DGKD: variants seen among roughly 807,000 people sequenced by gnomAD.
DGKD encodes the protein DAG kinase delta.
DGKD carries 68 observed loss-of-function variants against 154.4 expected under a neutral mutation model. The ratio of observed to expected loss-of-function variants is 0.44; its 90% CI spans 0.36 to 0.54. The LOEUF is 0.54. Ranked by LOEUF, DGKD falls within the 20% of genes least tolerant of loss-of-function variation. The probability of loss-of-function intolerance (pLI) is 0.00; values close to 1 mark genes in which losing one functional copy is unlikely to be tolerated. For synonymous variants in DGKD, 693 were observed against 638.0 expected (o/e 1.09, Z -1.30); for missense variants, 1,343 against 1,593.6 (o/e 0.84, Z 2.68).
chr2:233,432,407 C>G (rs2062554946), intron 3 of DGKD, among the ~76,000 whole-genome samples: 1 of 141,674 alleles, frequency 7.1e-6, no homozygotes, highest in African/African-American at 2.8e-5. Flanking sequence ...CGCCTGTAAT[C>G]CCAGCACTTT....
chr2:233,409,435 C>G (rs771447777), intron 3 of DGKD, among the ~76,000 whole-genome samples: 4 of 150,892 alleles, frequency 2.7e-5, no homozygotes, highest in Non-Finnish European at 1.5e-5. Flanking sequence ...GCAGTGAATA[C>G]TTTTTAGCCA....
intron 12 of DGKD, chr2:233,447,845 G>A (rs1014109260): frequency 1.5e-6 from 2 of 1,342,450 alleles, no homozygotes; most frequent in Non-Finnish European, 1.9e-6. Context: ...GACTGAAGGA[G>A]ATTCATTTGC....
At chr2:233,455,596 G>A (rs1268574619) in intron 19 of DGKD, among the ~76,000 whole-genome samples, 1 of 152,238 alleles carries the variant, frequency 6.6e-6, no homozygotes, top group Non-Finnish European at 1.5e-5. Context: ...AGAAATGAGT[G>A]TGGGGGTTGA....
rs535242303 is a variant in DGKD, at chr2:233,388,647, ATC to A, written c.267+289_267+290del. On this transcript the variant is annotated intron_variant, in intron 2 of 29. Transcript: ENST00000264057. ...AGAGACAGCCGCGTTACAGCTGGAT[ATC>A]TCTCTCTCAGAAAGGCGGAGGGAAT... The A allele has an allele frequency of 5.3e-5, 14 of 266,334 alleles. No homozygotes were observed. In the East Asian group the frequency reaches 8.9e-4, roughly 17 times the overall value. The allele number at this position is 266,334 out of a possible 1,614,324, so 16.5% of individuals were successfully genotyped here. A position where few individuals can be genotyped will look rare whatever the true frequency, so the allele number is the denominator to read the frequency against.
intron 19 of DGKD, among the ~76,000 whole-genome samples, chr2:233,455,764 T>C (rs1208766934): frequency 1.3e-5 from 2 of 152,250 alleles, no homozygotes; most frequent in Admixed American, 1.3e-4. Flanking sequence ...CGGGGAGCCA[T>C]GCTGACACCT....
intron 3 of DGKD, among the ~76,000 whole-genome samples, chr2:233,420,618 C>G (rs1665118232): frequency 6.6e-6 from 1 of 152,212 alleles, no homozygotes; most frequent in South Asian, 2.1e-4. Context: ...TCAGACTGGA[C>G]AGCCACAGCA....
chr2:233,467,300 C>A, intron 28 of DGKD, 97 bp downstream of exon 28: 3 of 856,190 alleles, frequency 3.5e-6, no homozygotes, highest in Non-Finnish European at 6.0e-6. Context: ...CCTTGCAGCT[C>A]CTCCCTCTTG....
In DGKD at chr2:233,448,307, G is replaced by T; in HGVS notation, c.1546G>T (p.Ala516Ser). Reference protein sequence around the residue: ...VLCETVKDFVARVGKAYEKTT... With the variant: ...VLCETVKDFVSRVGKAYEKTT... ...CTGTGAGACGGTGAAGGACTTCGTG[G>T]CACGGGTGGGGAAGGCCTATGAGAA... The change falls in exon 14 of 30, where the codon GCA becomes TCA. Residue 516 changes from alanine to serine, a missense_variant. Ala to Ser is a moderately conservative substitution (Grantham distance 99, BLOSUM62 1). Around this residue, in one of 6 missense-constraint regions of DGKD, gnomAD observed 409 missense variants for 446.0 expected, o/e 0.92. Transcript: ENST00000264057. The T allele has an allele frequency of 6.2e-7, 1 of 1,614,172 alleles. No individual in the cohort carries two copies. The highest frequency in any genetic ancestry group is 8.5e-7 in the Non-Finnish European group (1 of 1,180,028).
chr2:233,456,757 C>T, intron 19 of DGKD, 142 bp from the exon 20 acceptor site: 1 of 649,826 alleles, frequency 1.5e-6, no homozygotes, highest in Non-Finnish European at 2.7e-6. Flanking sequence ...AAAATGTGTC[C>T]TTCAGATGTT....
chr2:233,389,585 A>C (rs529710427), intron 2 of DGKD, among the ~76,000 whole-genome samples: 3 of 152,206 alleles, frequency 2.0e-5, no homozygotes, highest in Admixed American at 6.5e-5. Context: ...AAAAAAAAAA[A>C]AAACACGACA....
chr2:233,371,646 G>T (rs1309211521), intron 1 of DGKD, among the ~76,000 whole-genome samples: 4 of 152,148 alleles, frequency 2.6e-5, no homozygotes, highest in Non-Finnish European at 2.9e-5. Context: ...GTTCTTCCAC[G>T]AGTTTTGTAG....
At chr2:233,428,302 G>C (rs1240215211) in intron 3 of DGKD, among the ~76,000 whole-genome samples, 1 of 152,162 alleles carries the variant, frequency 6.6e-6, no homozygotes, top group African/African-American at 2.4e-5. Context: ...AGGCCCAGTT[G>C]TGTCCCCTCT....
At chr2:233,394,173 A>G (rs1161548452) in intron 3 of DGKD, among the ~76,000 whole-genome samples, 6 of 152,212 alleles carry the variant, frequency 3.9e-5, no homozygotes. Flanking sequence ...TTAAGCGTGT[A>G]AATATTTAAA....
Position 233,449,907 on chromosome 2 carries a change from G to A in DGKD, c.1889-75G>A. The A allele has an allele frequency of 6.7e-7, 1 of 1,486,684 alleles. No homozygotes were observed. The highest frequency in any genetic ancestry group is 9.0e-7 in the Non-Finnish European group (1 of 1,111,192). The allele number at this position is 1,486,684 out of a possible 1,614,324, so 92.1% of individuals were successfully genotyped here. On this transcript the variant is annotated intron_variant, in intron 15 of 29. Coordinates refer to ENST00000264057, the MANE Select transcript of DGKD (RefSeq NM_152879.3). This position sits in a 1 kb window ranked among gnomAD's most constrained non-coding sequence, Gnocchi z 5.3. ...GATCAGGCCGTGGGGTGAGGATGAG[G>A]GGCCCTCCACCCAGCCTGACAGCGC... is the stretch of plus-strand genomic sequence containing the variant.
At chr2:233,397,889 A>G (rs530939901) in intron 3 of DGKD, among the ~76,000 whole-genome samples, 1 of 151,588 alleles carries the variant, frequency 6.6e-6, no homozygotes, top group Admixed American at 6.6e-5. Context: ...GTACAGCAGC[A>G]GGCTGGTTAA....
intron 26 of DGKD, chr2:233,463,943 A>G (rs1444487301): frequency 5.2e-6 from 3 of 574,980 alleles, no homozygotes; most frequent in Non-Finnish European, 9.1e-6. Context: ...ATGTGAATTC[A>G]TCGTTGACTG....
chr2:233,451,840 T>C (rs2063305207), intron 17 of DGKD, 124 bp from the exon 18 acceptor site: 5 of 811,930 alleles, frequency 6.2e-6, no homozygotes. Context: ...TATACATAAT[T>C]TTAGAAACAT....
intron 3 of DGKD, among the ~76,000 whole-genome samples, chr2:233,431,956 G>A (rs1315010936): frequency 6.6e-6 from 1 of 152,184 alleles, no homozygotes; most frequent in African/African-American, 2.4e-5. Context: ...GCAAAAAGTG[G>A]ACAAATGGTT....
At position 233,459,907 on chromosome 2, in the gene DGKD, C is replaced by T. The variant is rs201191772; in HGVS notation, c.2829+16C>T. On this transcript the variant is annotated intron_variant, in intron 23 of 29. Transcript: ENST00000264057. The surrounding 1 kb of genome is among the most constrained non-coding windows in gnomAD (Gnocchi z 5.7). ...CAGAGACAGGGTAAGAGCGGCTGCC[C>T]GCGGTACCTGGGTGGGGTACAGGGC... is the stretch of plus-strand genomic sequence containing the variant. 585 of 1,611,472 alleles carry T rather than the reference C, an allele frequency of 3.6e-4. 1 individual carries two copies. In the African/African-American group the frequency reaches 5.4e-3, roughly 15 times the overall value.
Sources: allele counts gnomAD v4.1 joint callset (sites outside exome capture counted in the v4.1 genomes callset), GRCh38; gene constraint gnomAD v4.1.1; regional missense constraint gnomAD v4.1.1; non-coding constraint Gnocchi (gnomAD v3.1); transcripts MANE v1.5; gene names NCBI Gene and HGNC (gene_info 2026-07-23, HGNC 2026-07-21).